The following CPLANE1 variants were observed in gnomAD, a reference collection of about 807,000 sequenced individuals.
The protein encoded by CPLANE1 is ciliogenesis and planar polarity effector complex subunit 1, also known as ciliogenesis and planar polarity effector 1.
A neutral mutation model predicts 362.5 loss-of-function variants in CPLANE1; 263 were observed. The ratio of observed to expected loss-of-function variants is 0.73; its 90% CI spans 0.66 to 0.80. The LOEUF (loss-of-function observed/expected upper bound fraction) is 0.80, where lower values mean the gene tolerates loss of function less well. CPLANE1 is among the 30% of genes least tolerant of loss of function. The pLI is 0.00. For missense variants in CPLANE1, 3,461 were observed against 3,793.4 expected, an observed-to-expected ratio of 0.91 and a Z score of 2.30; for synonymous variants, 1,212 against 1,302.6, an observed-to-expected ratio of 0.93 and a Z score of 1.50.
intron 44 of CPLANE1, chr5:37,141,989 A>G (rs1769887308): frequency 1.5e-6 from 1 of 656,928 alleles, no homozygotes; most frequent in African/African-American, 2.0e-5. Flanking sequence ...TCAAATTAAA[A>G]TTCAAAGTTC....
At chr5:37,134,333 T>C (rs1184666278) in intron 46 of CPLANE1, among the ~76,000 whole-genome samples, 1 of 152,228 alleles carries the variant, frequency 6.6e-6, no homozygotes, top group East Asian at 1.9e-4. Flanking sequence ...ATTGGTCTGT[T>C]CAGGGTTTCA....
the CPLANE1 span, among the ~76,000 whole-genome samples, chr5:37,095,631 G>T: frequency 3.2e-4 from 48 of 152,316 alleles, no homozygotes; most frequent in African/African-American, 1.1e-3. Flanking sequence ...TAAAGAGGAA[G>T]TCAAACTGTC....
chr5:37,244,653 TCCC>T (rs1738889361), intron 4 of CPLANE1, 46 bp from the exon 5 acceptor site: 2 of 1,059,830 alleles, frequency 1.9e-6, no homozygotes, highest in African/African-American at 3.3e-5. Context: ...AAGTCTGAAT[TCCC>T]CCCAATAAAG....
Position 37,180,951 on chromosome 5 carries a change from T to C in CPLANE1, c.5476A>G (p.Ser1826Gly), listed in dbSNP as rs1457541096. The C allele has an allele frequency of 2.5e-6, 4 of 1,613,916 alleles. No homozygotes were observed. The Admixed American group carries it at 5.0e-5, about 20-fold the overall frequency. The change falls in exon 27 of 53, where the codon AGC (serine) becomes GGC (glycine). Residue 1826 changes from serine (S) to glycine (G), a missense_variant. Ser to Gly is a moderately conservative substitution (Grantham distance 56, BLOSUM62 0). Around this residue, in one of 2 missense-constraint regions of CPLANE1, gnomAD observed 3,380 missense variants for 3,666.1 expected, o/e 0.92. Transcript: ENST00000651892. The stretch of plus-strand genomic sequence containing the variant: ...ACTGAACCGCCAGCATCTGATTTGC[T>C]CTCCCTCTCAATATTGGGTCCAATC... Reference protein sequence around the residue: ...CQIGPNIERESKSDAGGSVAV... With the variant: ...CQIGPNIEREGKSDAGGSVAV...
intron 9 of CPLANE1, 131 bp downstream of exon 9, chr5:37,230,736 A>T: frequency 1.9e-6 from 1 of 530,820 alleles, no homozygotes; most frequent in Non-Finnish European, 3.0e-6. Flanking sequence ...TAAGAAACAG[A>T]TATTGAGATG....
At chr5:37,096,098 A>C in the CPLANE1 span, among the ~76,000 whole-genome samples, 1 of 152,326 alleles carries the variant, frequency 6.6e-6, no homozygotes, top group East Asian at 1.9e-4. Flanking sequence ...ATATGGAACC[A>C]AAAAAGAGCC....
In CPLANE1 at chr5:37,183,169, T is replaced by A; in HGVS notation, c.5012A>T (p.Asn1671Ile). ...ACCAAATAATCCACTCATTCCTTCA[T>A]TCTTATTGACTTCATTCGAAGGATA... ...LQYPSNEVNK[N>I]EGMSGLFGLK... Residue 1671 changes from asparagine to isoleucine, a missense_variant, in exon 26 of 53, where the codon AAT becomes ATT. Physicochemically the swap from Asn to Ile is moderately radical, Grantham distance 149. Transcript: ENST00000651892. The A allele has an allele frequency of 6.2e-7, 1 of 1,612,378 alleles. No homozygotes were observed. Among genetic ancestry groups the A allele is most frequent in the South Asian group, 1.1e-5 (1 of 90,884 alleles).
chr5:37,199,276 T>C (rs1375475820), intron 19 of CPLANE1, among the ~76,000 whole-genome samples: 2 of 152,130 alleles, frequency 1.3e-5, no homozygotes, highest in African/African-American at 4.8e-5. Context: ...AGCTGACCCT[T>C]GTTCCCAGTC....
At chr5:37,090,043 T>G in the CPLANE1 span, among the ~76,000 whole-genome samples, 5 of 152,194 alleles carry the variant, frequency 3.3e-5, no homozygotes, top group East Asian at 9.6e-4. Context: ...AGTAAAAATG[T>G]CCTCTCCTTG....
chr5:37,177,748 G>T, intron 29 of CPLANE1, 48 bp from the exon 30 acceptor site: 1 of 1,401,950 alleles, frequency 7.1e-7, no homozygotes. Context: ...AAACAAATAG[G>T]TATTACTGTC....
chr5:37,158,159 G>A (rs1044777654), intron 39 of CPLANE1, 65 bp downstream of exon 39: 4 of 1,526,342 alleles, frequency 2.6e-6, no homozygotes, highest in Non-Finnish European at 3.6e-6. Context: ...ATTGAATAAT[G>A]TCTACATGAC....
chr5:37,190,900 G>C (rs1181306633), intron 21 of CPLANE1, among the ~76,000 whole-genome samples: 1 of 152,118 alleles, frequency 6.6e-6, no homozygotes, highest in Non-Finnish European at 1.5e-5. Flanking sequence ...CATAATACTT[G>C]ATAATAATAA....
chr5:37,207,008 CA>C (rs1790947315), intron 16 of CPLANE1, among the ~76,000 whole-genome samples: 1 of 152,056 alleles, frequency 6.6e-6, no homozygotes. Context: ...GTGTTGATTA[CA>C]AAGCAGAAAA....
At chr5:37,205,776 T>C (rs1489568440) in intron 17 of CPLANE1, among the ~76,000 whole-genome samples, 1 of 152,158 alleles carries the variant, frequency 6.6e-6, no homozygotes, top group Non-Finnish European at 1.5e-5. Flanking sequence ...TGTAATGACA[T>C]GATCACGGCT....
chr5:37,108,409 G>A lies in CPLANE1; in HGVS notation c.9463C>T (p.Pro3155Ser). The A allele has an allele frequency of 6.2e-7, 1 of 1,614,174 alleles. No homozygotes were observed. The highest frequency in any genetic ancestry group is 8.5e-7 in the Non-Finnish European group (1 of 1,180,022). ...TCTACACACACCTGCTTGGTTTGAG[G>A]TGCAAGCCCAGCACTTCCATGTTTT... ...TKKHGSAGLA[P>S]QTKQVCVEYE... is the part of the protein sequence containing the mutation. The change falls in exon 52 of 53, where the codon CCT (proline) becomes TCT (serine). Residue 3155 changes from proline (P) to serine (S), a missense_variant. Physicochemically the swap from Pro to Ser is moderately conservative, Grantham distance 74. Transcript: ENST00000651892.
rs538177758 is a variant in CPLANE1 at position 37,201,764 on chromosome 5, G to C, written c.3334C>G (p.Gln1112Glu). 17 of 1,614,012 alleles carry C rather than the reference G, an allele frequency of 1.1e-5. No homozygotes were observed. In the South Asian group the frequency reaches 1.9e-4, roughly 18 times the overall value. The change falls in exon 19 of 53, where the codon CAA (glutamine) becomes GAA (glutamate). Residue 1112 changes from glutamine (Q) to glutamate (E), a missense_variant. Transcript: ENST00000651892. ...ATAACTGATGCTTTCAGTACTTCTT[G>C]TACTGAACCAAATAGCAGATTTGCA... is the stretch of plus-strand genomic sequence containing the variant. ...EDANLLFGSV[Q>E]EVLKASVMAD...
rs1790725857 is a variant in CPLANE1, at chr5:37,206,319, T to C, written c.3027A>G (p.Leu1009=). 1.9e-6 allele frequency: 3 copies of C among 1,551,542 alleles called. No homozygotes were observed. Among genetic ancestry groups the C allele is most frequent in the Non-Finnish European group, 2.6e-6 (3 of 1,146,866 alleles). Residue 1009 remains leucine (L), a synonymous_variant, in exon 17 of 53, where the codon CTA becomes CTG. Transcript: ENST00000651892. The part of the protein sequence containing the change: ...VWTVEYALEL[L]FIGGLVPEAV... ...CCTCTGGAACCAGGCCACCAATAAA[T>C]AGTAATTCAAGTGCATATTCAACTG...
rs1284138862 is a variant in CPLANE1 at position 37,106,845 on chromosome 5, C to T, written c.*757G>A. On this transcript the variant is annotated 3_prime_UTR_variant, in exon 53 of 53. Coordinates refer to ENST00000651892, the MANE Select transcript of CPLANE1 (RefSeq NM_001384732.1). ...TAGTTGAAGGATACTGGTTCTTAGT[C>T]AATTCTCATAAAAATTATCTCTTAA... 1.0e-6 allele frequency: 1 copy of T among 983,620 alleles called. No individual in the cohort carries two copies. Among genetic ancestry groups the T allele is most frequent in the African/African-American group, 1.7e-5 (1 of 57,198 alleles). 60.9% of individuals were successfully genotyped at this position (983,620 alleles called of 1,614,324 possible).
chr5:37,110,870 C>T (rs1465188946), intron 51 of CPLANE1, among the ~76,000 whole-genome samples: 2 of 142,928 alleles, frequency 1.4e-5, no homozygotes, highest in Non-Finnish European at 3.0e-5. Context: ...TGCAGTGGCA[C>T]TATCTTGGCT....
Sources: allele counts gnomAD v4.1 joint callset (sites outside exome capture counted in the v4.1 genomes callset), GRCh38; gene constraint gnomAD v4.1.1; regional missense constraint gnomAD v4.1.1; transcripts MANE v1.5; gene names NCBI Gene and HGNC (gene_info 2026-07-23, HGNC 2026-07-21).